Variants in TMEM97 observed in about 807,000 individuals in gnomAD.
The protein encoded by TMEM97 is sigma intracellular receptor 2.
TMEM97 carries 13 observed loss-of-function variants against 18.3 expected under a neutral mutation model. The observed-to-expected ratio is 0.71, with a 90% CI of 0.46 to 1.13. TMEM97 has a LOEUF of 1.13. Among genes scored for constraint, TMEM97 ranks in the 50% most tolerant of loss-of-function variants. TMEM97 has a pLI of 0.00. For missense variants in TMEM97, 205 were observed against 210.5 expected (o/e 0.97, Z 0.16); for synonymous variants, 76 against 85.3 (o/e 0.89, Z 0.60).
At chr17:28,325,764 A>G in intron 2 of TMEM97, 117 bp downstream of exon 2, 2 of 1,408,848 alleles carry the variant, frequency 1.4e-6, no homozygotes, top group South Asian at 1.3e-5. Context: ...AGAATGCTAC[A>G]GGATCTGGGG....
intron 2 of TMEM97, 74 bp from the exon 3 acceptor site, chr17:28,326,460 A>G: frequency 6.6e-7 from 1 of 1,521,020 alleles, no homozygotes; most frequent in Admixed American, 2.0e-5. Context: ...GCAGGCAGAG[A>G]CAGTGGGAAG....
In TMEM97 at chr17:28,327,673, A is replaced by T. The variant is rs1906419199; in HGVS notation, c.*880A>T. 1 of 152,276 alleles carries T rather than the reference A, an allele frequency of 6.6e-6. No homozygotes were observed. 9.4% of individuals were successfully genotyped at this position (152,276 alleles called of 1,614,324 possible). ...AAGAGAAAACATACTATGCAAAGGA[A>T]GTTTAAACTTAAGTTTTCCTTAAGG... On this transcript the variant is annotated 3_prime_UTR_variant, in exon 3 of 3. Transcript: ENST00000226230.
At chr17:28,326,449 G>A in intron 2 of TMEM97, 85 bp from the exon 3 acceptor site, 1 of 1,485,460 alleles carries the variant, frequency 6.7e-7, no homozygotes, top group Non-Finnish European at 9.1e-7. Context: ...GAAGAAAGCA[G>A]GCAGGCAGAG....
In TMEM97 at chr17:28,322,221, T is replaced by A. The variant is rs577368071; in HGVS notation, c.126+2856T>A. Among the ~76,000 whole-genome samples the A allele has an allele frequency of 7.2e-5, 11 of 152,092 alleles. 1 individual carries two copies. The highest frequency in any genetic ancestry group is 6.2e-4 in the South Asian group (3 of 4,824). On this transcript the variant is annotated intron_variant, in intron 1 of 2. Coordinates refer to ENST00000226230, the MANE Select transcript of TMEM97 (RefSeq NM_014573.3). ...CACTGCTTGGAAAAACTCATTTTTT[T>A]ATTTACTTTTTGTTTTTCTTTCTTT...
At chr17:28,321,789 C>G (rs1597777678) in intron 1 of TMEM97, among the ~76,000 whole-genome samples, 1 of 146,968 alleles carries the variant, frequency 6.8e-6, no homozygotes, top group East Asian at 2.0e-4. Flanking sequence ...CAGGCAGCAT[C>G]TGGCCAGAAC....
rs1490243655 is a variant in TMEM97, at chr17:28,319,297, A to G, written c.58A>G (p.Ser20Gly). The G allele has an allele frequency of 6.2e-7, 1 of 1,611,134 alleles. No homozygotes were observed. Among genetic ancestry groups the G allele is most frequent in the Non-Finnish European group, 8.5e-7 (1 of 1,178,786 alleles). The change falls in exon 1 of 3, where the codon AGC (serine) becomes GGC (glycine). Residue 20 changes from serine to glycine, a missense_variant. By Grantham distance (56) the Ser-to-Gly change is moderately conservative. Transcript: ENST00000226230. ...GTGGCTGCTGGGCCTCTACTTCCTC[A>G]GCCACATCCCCATCACCCTGTTCAT... ...VEWLLGLYFLSHIPITLFMDL... is the reference protein window; with the variant it reads ...VEWLLGLYFLGHIPITLFMDL...
intron 1 of TMEM97, among the ~76,000 whole-genome samples, chr17:28,323,494 G>A (rs902950232): frequency 6.6e-6 from 1 of 150,772 alleles, no homozygotes; most frequent in African/African-American, 2.4e-5. Context: ...GCAGTGGCTC[G>A]ATCTCGGCTC....
Position 28,326,922 on chromosome 17 carries a change from C to T in TMEM97, c.*129C>T. The T allele has an allele frequency of 8.6e-7, 1 of 1,159,664 alleles. No individual in the cohort carries two copies. The highest frequency in any genetic ancestry group is 1.2e-6 in the Non-Finnish European group (1 of 824,396). The allele number at this position is 1,159,664 out of a possible 1,614,324, so 71.8% of individuals were successfully genotyped here. A position where few individuals can be genotyped will look rare whatever the true frequency, so the allele number is the denominator to read the frequency against. Reference sequence around the variant, plus strand: ...AAACACTGGCAGCAATGCACAAGAGCAAGATGGTGTCAGGAACCATGTCAA... The same window carrying T: ...AAACACTGGCAGCAATGCACAAGAGTAAGATGGTGTCAGGAACCATGTCAA... On this transcript the variant is annotated 3_prime_UTR_variant, in exon 3 of 3. Transcript: ENST00000226230.
At chr17:28,325,017 T>C (rs978133915) in intron 1 of TMEM97, among the ~76,000 whole-genome samples, 8 of 138,920 alleles carry the variant, frequency 5.8e-5, no homozygotes, top group Non-Finnish European at 1.2e-4. Flanking sequence ...TTTGAGGGAA[T>C]CTGGCCTTTG....
intron 1 of TMEM97, 114 bp from the exon 2 acceptor site, chr17:28,325,389 T>G: frequency 1.5e-6 from 2 of 1,340,894 alleles, no homozygotes; most frequent in East Asian, 2.4e-5. Context: ...GCTGCCGGGG[T>G]AGTGGGGGGT....
rs1555574642 is a variant in TMEM97, at chr17:28,319,212, C to T, written c.-28C>T. Reference sequence around the variant, plus strand: ...GCGGATTTGGCCCCTCTTCTCACATCAGCGGGTCCAGGCCCAACCGACAGA... The same window carrying T: ...GCGGATTTGGCCCCTCTTCTCACATTAGCGGGTCCAGGCCCAACCGACAGA... On this transcript the variant is annotated 5_prime_UTR_variant, in exon 1 of 3. Transcript: ENST00000226230. 2 of 1,571,174 alleles carry T rather than the reference C, an allele frequency of 1.3e-6. No homozygotes were observed. The highest frequency in any genetic ancestry group is 2.3e-5 in the East Asian group (1 of 42,636).
In TMEM97 at chr17:28,327,873, T is replaced by G. The variant is rs751076541; in HGVS notation, c.*1080T>G. The G allele has an allele frequency of 5.9e-5, 9 of 152,252 alleles. No individual in the cohort carries two copies. The highest frequency in any genetic ancestry group is 7.3e-5 in the Non-Finnish European group (5 of 68,038). The allele number at this position is 152,252 out of a possible 1,614,324, so 9.4% of individuals were successfully genotyped here. A position where few individuals can be genotyped will look rare whatever the true frequency, so the allele number is the denominator to read the frequency against. ...AGGCCACCTGACACAAGTCCCTGTA[T>G]CTGAAGTCTAGCATCTCAAGGCTGA... On this transcript the variant is annotated 3_prime_UTR_variant, in exon 3 of 3. Coordinates refer to ENST00000226230, the MANE Select transcript of TMEM97 (RefSeq NM_014573.3).
chr17:28,328,612 T>C lies in TMEM97; in HGVS notation c.*1819T>C, dbSNP rs782726537. 7 of 1,403,840 alleles carry C rather than the reference T, an allele frequency of 5.0e-6. No individual in the cohort carries two copies. The highest frequency in any genetic ancestry group is 6.9e-6 in the Non-Finnish European group (7 of 1,009,818). 87.0% of individuals were successfully genotyped at this position (1,403,840 alleles called of 1,614,324 possible). ...GTTTTTTTGGTTTTGAGAGGCTTTTTTTTGTTTTGCCTTCCTACTATAAAA... is the reference window on the plus strand; with the variant it reads ...GTTTTTTTGGTTTTGAGAGGCTTTTCTTTGTTTTGCCTTCCTACTATAAAA... On this transcript the variant is annotated 3_prime_UTR_variant, in exon 3 of 3. Transcript: ENST00000226230.
intron 1 of TMEM97, among the ~76,000 whole-genome samples, chr17:28,322,740 T>A (rs1030025781): frequency 6.6e-5 from 10 of 152,142 alleles, no homozygotes; most frequent in African/African-American, 2.4e-4. Flanking sequence ...AAGTACAAGA[T>A]TGGTGAGTAG....
Position 28,325,554 on chromosome 17 carries a change from C to A in TMEM97, c.178C>A (p.Gln60Lys). 6.2e-7 allele frequency: 1 copy of A among 1,614,246 alleles called. No homozygotes were observed. Among genetic ancestry groups the A allele is most frequent in the South Asian group, 1.1e-5 (1 of 91,090 alleles). ...YAKEFKDPLL[Q>K]EPPAWFKSFL... The stretch of plus-strand genomic sequence containing the variant: ...TAAGGAGTTCAAAGACCCACTGCTA[C>A]AGGAGCCCCCAGCCTGGTTTAAGTC... The change falls in exon 2 of 3, where the codon CAG (glutamine) becomes AAG (lysine). Residue 60 changes from glutamine (Q) to lysine (K), a missense_variant. Coordinates refer to ENST00000226230, the MANE Select transcript of TMEM97 (RefSeq NM_014573.3).
chr17:28,321,465 G>C (rs147190733), intron 1 of TMEM97, among the ~76,000 whole-genome samples: 201 of 152,004 alleles, frequency 1.3e-3, no homozygotes, highest in African/African-American at 4.6e-3. Context: ...TTAGAAACAG[G>C]GTCCTTTGTC....
rs1045257504 is a variant in TMEM97, at chr17:28,319,253, C to G, written c.14C>G (p.Ala5Gly). 3.7e-6 allele frequency: 6 copies of G among 1,608,684 alleles called. No individual in the cohort carries two copies. In the African/African-American group the frequency reaches 8.0e-5, roughly 22 times the overall value. ...AACCGACAGACTATGGGGGCTCCGG[C>G]AACCAGGCGCTGCGTGGAGTGGCTG... MGAP[A>G]TRRCVEWLLG... is the part of the protein sequence containing the mutation. The change falls in exon 1 of 3, where the codon GCA becomes GGA. Residue 5 changes from alanine to glycine, a missense_variant. Coordinates refer to ENST00000226230, the MANE Select transcript of TMEM97 (RefSeq NM_014573.3).
chr17:28,320,750 G>T (rs1906110907), intron 1 of TMEM97, among the ~76,000 whole-genome samples: 3 of 152,182 alleles, frequency 2.0e-5, no homozygotes, highest in African/African-American at 7.2e-5. Context: ...TCCTTCTGAG[G>T]GCTCCAGGGG....
At chr17:28,325,779 T>C (rs1490954645) in intron 2 of TMEM97, 132 bp downstream of exon 2, 1 of 1,261,570 alleles carries the variant, frequency 7.9e-7, no homozygotes, top group South Asian at 1.4e-5. Context: ...CTGGGGTAAA[T>C]AGCCAGGGTA....
Sources: allele counts gnomAD v4.1 joint callset (sites outside exome capture counted in the v4.1 genomes callset), GRCh38; gene constraint gnomAD v4.1.1; transcripts MANE v1.5; gene names NCBI Gene and HGNC (gene_info 2026-07-23, HGNC 2026-07-21).